Variants in LSAMP observed in about 807,000 individuals in gnomAD.
LSAMP encodes the protein limbic system-associated membrane protein.
Under a neutral mutation model 38.6 loss-of-function variants are expected in LSAMP, and 7 were observed. The observed-to-expected ratio is 0.18, with a 90% CI of 0.10 to 0.34. The LOEUF is 0.34. LSAMP is among the 10% of genes least tolerant of loss of function. The pLI, the probability that LSAMP is intolerant of heterozygous loss-of-function variation, is 1.00. For missense variants in LSAMP, 313 were observed against 420.0 expected, an observed-to-expected ratio of 0.75 and a Z score of 2.23; for synonymous variants, 154 against 166.8, an observed-to-expected ratio of 0.92 and a Z score of 0.59.
At chr3:116,194,556 A>G (rs1412666645) in intron 1 of LSAMP, among the ~76,000 whole-genome samples, 5 of 152,036 alleles carry the variant, frequency 3.3e-5, no homozygotes, top group African/African-American at 4.8e-5. Flanking sequence ...CACCACGCCC[A>G]GCTAATTTTT....
intron 2 of LSAMP, chr3:116,051,181 A>G (rs1941389434): frequency 6.6e-6 from 1 of 152,232 alleles, no homozygotes; most frequent in Non-Finnish European, 1.5e-5. Context: ...GTTGTGAATC[A>G]TCAAGGCCGG....
At chr3:116,153,474 T>C (rs962723395) in intron 1 of LSAMP, among the ~76,000 whole-genome samples, 3 of 152,164 alleles carry the variant, frequency 2.0e-5, no homozygotes, top group Non-Finnish European at 4.4e-5. Context: ...GCTATCTCTT[T>C]AGTAAACTGA....
intron 6 of LSAMP, among the ~76,000 whole-genome samples, chr3:115,817,357 A>G (rs1236466972): frequency 6.6e-6 from 1 of 152,196 alleles, no homozygotes; most frequent in Non-Finnish European, 1.5e-5. Flanking sequence ...ATTAGACTAT[A>G]TGCTCCACGA....
intron 1 of LSAMP, among the ~76,000 whole-genome samples, chr3:116,284,199 A>AAGAG (rs1220116705): frequency 1.3e-5 from 2 of 152,098 alleles, no homozygotes; most frequent in African/African-American, 4.8e-5. Flanking sequence ...CCCCTCCACT[A>AAGAG]AGAGATCTAT....
intron 1 of LSAMP, among the ~76,000 whole-genome samples, chr3:116,366,876 C>T (rs1385740106): frequency 6.6e-6 from 1 of 152,138 alleles, no homozygotes; most frequent in African/African-American, 2.4e-5. Context: ...ACATTCCCTC[C>T]CATCCCACAT....
At chr3:116,309,509 G>C (rs577202289) in intron 1 of LSAMP, among the ~76,000 whole-genome samples, 2 of 152,058 alleles carry the variant, frequency 1.3e-5, no homozygotes, top group Admixed American at 6.6e-5. Context: ...TTGGCTAGTG[G>C]CTACTTACTA....
chr3:115,934,880 C>T (rs1300266592), intron 3 of LSAMP, among the ~76,000 whole-genome samples: 2 of 152,080 alleles, frequency 1.3e-5, no homozygotes, highest in Admixed American at 1.3e-4. Flanking sequence ...CCCTTCCTTG[C>T]TCTAGCTCTA....
intron 1 of LSAMP, among the ~76,000 whole-genome samples, chr3:116,216,003 A>G (rs979709268): frequency 2.0e-5 from 3 of 152,230 alleles, no homozygotes; most frequent in Non-Finnish European, 4.4e-5. Flanking sequence ...AAGTCATTGT[A>G]TCACAAAGGT....
At chr3:116,225,554 T>C (rs907096568) in intron 1 of LSAMP, among the ~76,000 whole-genome samples, 2 of 152,194 alleles carry the variant, frequency 1.3e-5, no homozygotes, top group African/African-American at 4.8e-5. Context: ...AACAAAATTA[T>C]TGCTATTTGT....
At chr3:116,427,195 A>ACTG (rs1258638703) in intron 1 of LSAMP, among the ~76,000 whole-genome samples, 2 of 137,192 alleles carry the variant, frequency 1.5e-5, no homozygotes, top group Non-Finnish European at 3.0e-5. Context: ...ATCTCGGCTC[A>ACTG]CTGCAAGCTC....
At chr3:116,309,848 A>G (rs17702596) in intron 1 of LSAMP, among the ~76,000 whole-genome samples, 14,596 of 152,242 alleles carry the variant, frequency 0.096, 819 homozygotes, top group Middle Eastern at 0.16. Context: ...TGCTATTGCT[A>G]GAACACTTAG....
At chr3:115,929,432 T>C (rs1024594072) in intron 3 of LSAMP, among the ~76,000 whole-genome samples, 1 of 152,012 alleles carries the variant, frequency 6.6e-6, no homozygotes, top group African/African-American at 2.4e-5. Context: ...TTTCAACAAA[T>C]TGAATATCCT....
At chr3:115,839,214 TTCCC>T (rs149617645) in intron 6 of LSAMP, among the ~76,000 whole-genome samples, 7,723 of 149,258 alleles carry the variant, frequency 0.052, 262 homozygotes, top group African/African-American at 0.08. Context: ...TTTTCCCTCC[TTCCC>T]TCCCTCCCTC....
At chr3:116,056,522 G>T (rs970609516) in intron 2 of LSAMP, among the ~76,000 whole-genome samples, 3 of 152,224 alleles carry the variant, frequency 2.0e-5, no homozygotes, top group East Asian at 3.9e-4. Context: ...GTAGAAAGTA[G>T]AAAGCACAGA....
At chr3:116,217,635 G>A (rs760274093) in intron 1 of LSAMP, among the ~76,000 whole-genome samples, 11 of 152,188 alleles carry the variant, frequency 7.2e-5, no homozygotes, top group Non-Finnish European at 1.3e-4. Context: ...CAATTACTGT[G>A]CTAAACATTT....
At chr3:116,327,729 A>G (rs543097896) in intron 1 of LSAMP, among the ~76,000 whole-genome samples, 1 of 152,196 alleles carries the variant, frequency 6.6e-6, no homozygotes, top group Non-Finnish European at 1.5e-5. Flanking sequence ...ACATCTTATT[A>G]TGTGTTTTAC....
At chr3:116,132,020 G>GT (rs1320166082) in intron 1 of LSAMP, among the ~76,000 whole-genome samples, 1 of 151,774 alleles carries the variant, frequency 6.6e-6, no homozygotes, top group Non-Finnish European at 1.5e-5. Flanking sequence ...TAGAGACGGG[G>GT]TTTTGCAATG....
intron 1 of LSAMP, among the ~76,000 whole-genome samples, chr3:116,121,781 T>C (rs530635965): frequency 1.5e-3 from 224 of 152,278 alleles, no homozygotes; most frequent in Non-Finnish European, 2.7e-3. Context: ...AGAGCAAGCT[T>C]GTCCAACCCG....
chr3:115,904,486 A>G (rs1936960292), intron 3 of LSAMP, among the ~76,000 whole-genome samples: 1 of 152,152 alleles, frequency 6.6e-6, no homozygotes, highest in Admixed American at 6.6e-5. Context: ...AAAACAATAC[A>G]AATTTACCAT....
Sources: gnomAD v4.1 joint callset for allele counts (sites outside exome capture counted in the v4.1 genomes callset) on GRCh38, gnomAD v4.1.1 for gene constraint, MANE v1.5 for transcripts, NCBI Gene and HGNC (gene_info 2026-07-23, HGNC 2026-07-21) for gene names.